Variants in USP34 observed in about 807,000 individuals in gnomAD.
USP34 encodes the protein ubiquitin specific peptidase 34.
In USP34, 70 loss-of-function variants were observed where a neutral mutation model predicts 460.3. The observed-to-expected ratio is 0.15, with a 90% CI of 0.13 to 0.19. The LOEUF is 0.19. Among genes scored for constraint, USP34 ranks in the 10% least tolerant of loss-of-function variants. The pLI, the probability that USP34 is intolerant of heterozygous loss-of-function variation, is 1.00. For synonymous variants in USP34, 1,647 were observed against 1,405.3 expected (o/e 1.17, Z -3.85); for missense variants, 3,985 against 4,236.2 (o/e 0.94, Z 1.65).
At position 61,228,805 on chromosome 2, in the gene USP34, AAT is replaced by A. The variant is rs776464044; in HGVS notation, c.7368+20_7368+21del. 5.7e-6 allele frequency: 9 copies of A among 1,588,568 alleles called. No homozygotes were observed. The highest frequency in any genetic ancestry group is 1.4e-5 in the African/African-American group (1 of 73,276). On this transcript the variant is annotated intron_variant, in intron 60 of 79. Transcript: ENST00000398571. ...CTGAAAAAAGGTAGATAATCAAAAA[AAT>A]AGACAAGATATAGCCTCACCTCTTC... is the stretch of plus-strand genomic sequence containing the variant.
chr2:61,454,858 G>GTTTTTTTTTTT (rs1411733369), intron 1 of USP34, among the ~76,000 whole-genome samples: 1 of 102,076 alleles, frequency 9.8e-6, no homozygotes, highest in African/African-American at 3.9e-5. Flanking sequence ...AATATAGTGG[G>GTTTTTTTTTTT]GTTTTTTTTT....
intron 10 of USP34, among the ~76,000 whole-genome samples, chr2:61,365,256 TAC>T (rs34689463): frequency 0.21 from 29,522 of 142,188 alleles, 2,974 homozygotes; most frequent in South Asian, 0.28. Context: ...CATTTCAAAA[TAC>T]ACACACACAC....
chr2:61,333,803 T>C lies in USP34; in HGVS notation c.2834+79A>G, dbSNP rs1269747412. 5.1e-6 allele frequency: 5 copies of C among 976,324 alleles called. No individual in the cohort carries two copies. In the South Asian group the frequency reaches 7.0e-5, roughly 14 times the overall value. The allele number at this position is 976,324 out of a possible 1,614,324, so 60.5% of individuals were successfully genotyped here. A position where few individuals can be genotyped will look rare whatever the true frequency, so the allele number is the denominator to read the frequency against. The stretch of plus-strand genomic sequence containing the variant: ...TTTCCTGGTACAGAGTAAAAGCTTG[T>C]AGGTTAGTCAAAACCTTTAGATAAC... On this transcript the variant is annotated intron_variant, in intron 19 of 79. Transcript: ENST00000398571.
At chr2:61,202,749 A>C (rs1175369444) in intron 75 of USP34, among the ~76,000 whole-genome samples, 1 of 152,146 alleles carries the variant, frequency 6.6e-6, no homozygotes, top group Non-Finnish European at 1.5e-5. Context: ...TCCAAAGCAC[A>C]GCTGGCACTA....
At chr2:61,319,568 G>A (rs573896689) in intron 21 of USP34, among the ~76,000 whole-genome samples, 1 of 152,120 alleles carries the variant, frequency 6.6e-6, no homozygotes, top group Non-Finnish European at 1.5e-5. Flanking sequence ...ACAGCAGCCA[G>A]GTGAAGTGGC....
At chr2:61,288,019 T>C (rs1411824307) in intron 34 of USP34, among the ~76,000 whole-genome samples, 1 of 152,230 alleles carries the variant, frequency 6.6e-6, no homozygotes, top group Non-Finnish European at 1.5e-5. Context: ...GAGAGACTCC[T>C]CCTTTCTTTC....
chr2:61,236,555 T>C (rs1688073804), intron 53 of USP34, among the ~76,000 whole-genome samples, 166 bp from the exon 54 acceptor site: 2 of 152,044 alleles, frequency 1.3e-5, no homozygotes, highest in South Asian at 4.1e-4. Context: ...ATATAAATGG[T>C]TGCTACTAAT....
chr2:61,336,208 G>T (rs535571305), intron 18 of USP34, among the ~76,000 whole-genome samples: 1 of 150,148 alleles, frequency 6.7e-6, no homozygotes, highest in African/African-American at 2.5e-5. Context: ...GCAGTGGTGC[G>T]ATCTTGGCTC....
intron 62 of USP34, among the ~76,000 whole-genome samples, chr2:61,225,006 A>T (rs1421638631): frequency 6.6e-6 from 1 of 152,126 alleles, no homozygotes; most frequent in Non-Finnish European, 1.5e-5. Flanking sequence ...GGGAAATGAA[A>T]CCTAGAGACT....
At position 61,215,972 on chromosome 2, in the gene USP34, T is replaced by C. The variant is rs866587347; in HGVS notation, c.8048-1278A>G. On this transcript the variant is annotated intron_variant, in intron 67 of 79. Transcript: ENST00000398571. Reference sequence around the variant, plus strand: ...ACTATGGAACCTCCTCAAGACTCTCTAATGTCTGAGTTTGGGTTCTTTTCA... The same window carrying C: ...ACTATGGAACCTCCTCAAGACTCTCCAATGTCTGAGTTTGGGTTCTTTTCA... Among the ~76,000 whole-genome samples the C allele has an allele frequency of 4.6e-5, 7 of 152,190 alleles. 1 individual carries two copies. Among genetic ancestry groups the C allele is most frequent in the Middle Eastern group, 3.2e-3 (1 of 316 alleles).
chr2:61,188,874 AC>A, intron 79 of USP34, 35 bp downstream of exon 79: 1 of 1,610,496 alleles, frequency 6.2e-7, no homozygotes, highest in Non-Finnish European at 8.5e-7. Context: ...CCCTCCTCCC[AC>A]CCTAAAGGTA....
intron 5 of USP34, among the ~76,000 whole-genome samples, chr2:61,385,997 CAAA>C (rs58518474): frequency 8.0e-5 from 8 of 99,412 alleles, no homozygotes; most frequent in Non-Finnish European, 8.3e-5. Context: ...ACTCTGTCTC[CAAA>C]AAAAAAAAAA....
intron 5 of USP34, among the ~76,000 whole-genome samples, chr2:61,386,801 C>CA (rs1259884018): frequency 6.6e-6 from 1 of 151,442 alleles, no homozygotes; most frequent in African/African-American, 2.4e-5. Flanking sequence ...AAGAAACAAA[C>CA]AAAAAAAACT....
intron 51 of USP34, among the ~76,000 whole-genome samples, chr2:61,243,708 T>C (rs1486932730): frequency 2.0e-5 from 3 of 151,792 alleles, no homozygotes; most frequent in Non-Finnish European, 4.4e-5. Context: ...CCGTCTCCAC[T>C]TAAAACACAA....
intron 21 of USP34, among the ~76,000 whole-genome samples, chr2:61,324,978 G>A (rs1053959604): frequency 9.2e-5 from 14 of 152,098 alleles, no homozygotes; most frequent in Admixed American, 2.0e-4. Context: ...ATTATTCTAA[G>A]TGAACTAACT....
At chr2:61,460,910 G>A (rs912506269) in intron 1 of USP34, among the ~76,000 whole-genome samples, 1 of 151,146 alleles carries the variant, frequency 6.6e-6, no homozygotes, top group African/African-American at 2.4e-5. Flanking sequence ...TTGAACCTGG[G>A]AGGTGGAGGT....
chr2:61,433,942 T>G (rs1694745151), intron 1 of USP34, among the ~76,000 whole-genome samples: 1 of 152,086 alleles, frequency 6.6e-6, no homozygotes. Context: ...AGCTGCAACT[T>G]TGGTCCCGCA....
Position 61,434,299 on chromosome 2 carries a change from CCACA to C in USP34, c.44-13470_44-13467del, listed in dbSNP as rs1272070374. On this transcript the variant is annotated intron_variant, in intron 1 of 79. Coordinates refer to ENST00000398571, the MANE Select transcript of USP34 (RefSeq NM_014709.4). ...CCAGGCCAGCCAGGCAGCCAAGAGC[CCACA>C]TCCCAGTCCTAAGAAACAGCCCAAT... is the stretch of plus-strand genomic sequence containing the variant. Among the ~76,000 whole-genome samples, 118 of 152,280 alleles carry C rather than the reference CCACA, an allele frequency of 7.7e-4. 2 individuals are homozygous for C. The East Asian group carries it at 0.018, about 23-fold the overall frequency.
chr2:61,432,971 G>A (rs1694719911), intron 1 of USP34, among the ~76,000 whole-genome samples: 2 of 152,120 alleles, frequency 1.3e-5, no homozygotes, highest in South Asian at 4.1e-4. Flanking sequence ...ATACATTCAA[G>A]ATATTAGATA....
Sources: gnomAD v4.1 joint callset for allele counts (sites outside exome capture counted in the v4.1 genomes callset) on GRCh38, gnomAD v4.1.1 for gene constraint, MANE v1.5 for transcripts, NCBI Gene and HGNC (gene_info 2026-07-23, HGNC 2026-07-21) for gene names.